Variants in GPC5 observed in about 807,000 individuals in gnomAD.
The protein encoded by GPC5 is glypican 5.
Under a neutral mutation model 53.9 loss-of-function variants are expected in GPC5, and 47 were observed. That is an observed-to-expected ratio of 0.87 (90% CI 0.69 to 1.11). The LOEUF is 1.11. Among genes scored for constraint, GPC5 ranks in the 50% most tolerant of loss-of-function variants. The pLI is 0.00. For synonymous variants in GPC5, 286 were observed against 263.3 expected, an observed-to-expected ratio of 1.09 and a Z score of -0.84; for missense variants, 748 against 713.1, an observed-to-expected ratio of 1.05 and a Z score of -0.56.
intron 7 of GPC5, among the ~76,000 whole-genome samples, chr13:92,786,070 T>A (rs1269580917): frequency 6.6e-6 from 1 of 152,206 alleles, no homozygotes; most frequent in Non-Finnish European, 1.5e-5. Context: ...TGAATTGGGG[T>A]ACAAATTGGA....
intron 7 of GPC5, among the ~76,000 whole-genome samples, chr13:92,262,674 G>T (rs2042775123): frequency 6.6e-6 from 1 of 152,176 alleles, no homozygotes; most frequent in Non-Finnish European, 1.5e-5. Flanking sequence ...CATCATAGTA[G>T]AAATGGATTG....
intron 5 of GPC5, among the ~76,000 whole-genome samples, chr13:91,792,177 T>G (rs760554992): frequency 1.3e-5 from 2 of 152,230 alleles, no homozygotes; most frequent in Non-Finnish European, 2.9e-5. Context: ...ATCAGAGGTG[T>G]CCCTGTGAAA....
intron 7 of GPC5, among the ~76,000 whole-genome samples, chr13:92,692,754 A>ACTTTTTTTTTTTTTTTTTT (rs1238735131): frequency 1.2e-5 from 1 of 81,050 alleles, no homozygotes; most frequent in African/African-American, 4.8e-5. Context: ...AATATCGGCT[A>ACTTTTTTTTTTTTTTTTTT]TTTTTTTTTT....
intron 7 of GPC5, among the ~76,000 whole-genome samples, chr13:92,431,011 A>G (rs1877059964): frequency 6.6e-6 from 1 of 152,184 alleles, no homozygotes; most frequent in Non-Finnish European, 1.5e-5. Context: ...GATGAGCACT[A>G]TGCAATAGTT....
chr13:91,992,034 G>T (rs2040461399), intron 6 of GPC5, among the ~76,000 whole-genome samples: 1 of 151,992 alleles, frequency 6.6e-6, no homozygotes, highest in Non-Finnish European at 1.5e-5. Flanking sequence ...TATTTCTTTT[G>T]ATTTTTTAAT....
At chr13:92,607,813 CTT>C (rs1334821653) in intron 7 of GPC5, among the ~76,000 whole-genome samples, 2 of 152,148 alleles carry the variant, frequency 1.3e-5, no homozygotes, top group African/African-American at 2.4e-5. Flanking sequence ...ATTATCAAGA[CTT>C]CAGTTGACCC....
At chr13:91,514,883 T>C (rs1275403793) in intron 2 of GPC5, among the ~76,000 whole-genome samples, 1 of 152,188 alleles carries the variant, frequency 6.6e-6, no homozygotes, top group Non-Finnish European at 1.5e-5. Context: ...TGTATTTCAC[T>C]TTAAGGTCAA....
At chr13:92,319,906 A>G (rs567748145) in intron 7 of GPC5, among the ~76,000 whole-genome samples, 16 of 152,268 alleles carry the variant, frequency 1.1e-4, no homozygotes, top group East Asian at 5.8e-4. Context: ...GAAACAATAT[A>G]TACATTAGTC....
chr13:92,066,906 G>A (rs1414235985), intron 6 of GPC5, among the ~76,000 whole-genome samples: 1 of 151,960 alleles, frequency 6.6e-6, no homozygotes, highest in African/African-American at 2.4e-5. Flanking sequence ...ATGTTAGAAA[G>A]GTGAACATTT....
chr13:92,239,166 T>TCC lies in GPC5; in HGVS notation c.1561+94178_1561+94179insCC, dbSNP rs71200570. ...TGAGTCTTTCAACTTTTTTTTTTTT[T>TCC]CAAGATTCTACTGGCTTATTTGATT... On this transcript the variant is annotated intron_variant, in intron 7 of 7. Transcript: ENST00000377067. Among the ~76,000 whole-genome samples the TCC allele has an allele frequency of 7.6e-4, 58 of 76,340 alleles. 1 individual carries two copies. In the South Asian group the frequency reaches 0.035, roughly 46 times the overall value. The allele number at this position is 76,340 out of a possible 152,430, so 50.1% of individuals were successfully genotyped here.
At chr13:91,649,483 A>G (rs2034643136) in intron 2 of GPC5, among the ~76,000 whole-genome samples, 1 of 152,190 alleles carries the variant, frequency 6.6e-6, no homozygotes, top group Admixed American at 6.5e-5. Context: ...TTATTACTAC[A>G]CTACTAGTTG....
At chr13:92,323,925 C>G (rs1203177302) in intron 7 of GPC5, among the ~76,000 whole-genome samples, 1 of 151,890 alleles carries the variant, frequency 6.6e-6, no homozygotes, top group Non-Finnish European at 1.5e-5. Flanking sequence ...ATACTTTACA[C>G]AATTTGCATA....
At chr13:91,485,016 A>T (rs554111169) in intron 2 of GPC5, among the ~76,000 whole-genome samples, 1 of 152,382 alleles carries the variant, frequency 6.6e-6, no homozygotes, top group East Asian at 1.9e-4. Flanking sequence ...CTTGTTAGAA[A>T]TGCAGAATAA....
At chr13:92,629,702 C>T (rs1216605661) in intron 7 of GPC5, among the ~76,000 whole-genome samples, 1 of 152,034 alleles carries the variant, frequency 6.6e-6, no homozygotes, top group Non-Finnish European at 1.5e-5. Flanking sequence ...TTCTTCTTTC[C>T]CAACTTAAGC....
In GPC5 at chr13:91,419,625, G is replaced by A. The variant is rs572872273; in HGVS notation, c.163+20416G>A. On this transcript the variant is annotated intron_variant, in intron 1 of 7. Transcript: ENST00000377067. ...CTTTAACTGAGAGAAGACTCTCTGT[G>A]GAATATTTGGATTGTGGTTATCGTG... Among the ~76,000 whole-genome samples the A allele has an allele frequency of 6.8e-4, 103 of 152,260 alleles. No individual in the cohort carries two copies. In the Middle Eastern group the frequency reaches 0.024, roughly 35 times the overall value.
chr13:92,144,869 C>G lies in GPC5; in HGVS notation c.1441C>G (p.Leu481Val), dbSNP rs559065463. 2 of 1,611,724 alleles carry G rather than the reference C, an allele frequency of 1.2e-6. No homozygotes were observed. Among genetic ancestry groups the G allele is most frequent in the African/African-American group, 1.3e-5 (1 of 74,752 alleles). Reference sequence around the variant, plus strand: ...ATCACCCAAACCTGACAAGTGGGAACTTCTTCAGCTGGGCAGTGGTGGAGG... The same window carrying G: ...ATCACCCAAACCTGACAAGTGGGAAGTTCTTCAGCTGGGCAGTGGTGGAGG... ...GRSPKPDKWE[L>V]LQLGSGGGMV... Residue 481 changes from leucine (L) to valine (V), a missense_variant, in exon 7 of 8, where the codon CTT (leucine) becomes GTT (valine). By Grantham distance (32) the Leu-to-Val change is conservative. Coordinates refer to ENST00000377067, the MANE Select transcript of GPC5 (RefSeq NM_004466.6).
chr13:92,512,108 A>G (rs1262369789), intron 7 of GPC5, among the ~76,000 whole-genome samples: 2 of 152,194 alleles, frequency 1.3e-5, no homozygotes, highest in South Asian at 2.1e-4. Flanking sequence ...GCATGCATCC[A>G]TGAGATATTG....
intron 1 of GPC5, among the ~76,000 whole-genome samples, chr13:91,433,796 A>T (rs968553260): frequency 3.3e-5 from 5 of 152,090 alleles, no homozygotes; most frequent in Non-Finnish European, 7.4e-5. Context: ...ACGATGGTTG[A>T]ACTAGTTTAT....
At chr13:91,931,896 C>T (rs537764125) in intron 6 of GPC5, among the ~76,000 whole-genome samples, 1 of 152,096 alleles carries the variant, frequency 6.6e-6, no homozygotes, top group East Asian at 1.9e-4. Flanking sequence ...GCATTCATTA[C>T]ATCTCTGTTT....
Sources: allele counts gnomAD v4.1 joint callset (sites outside exome capture counted in the v4.1 genomes callset), GRCh38; gene constraint gnomAD v4.1.1; transcripts MANE v1.5; gene names NCBI Gene and HGNC (gene_info 2026-07-23, HGNC 2026-07-21).